Variants in TCIRG1 observed in about 807,000 individuals in gnomAD.
TCIRG1 encodes the protein T cell immune regulator 1, ATPase H+ transporting V0 subunit a3.
A neutral mutation model predicts 95.5 loss-of-function variants in TCIRG1; 86 were observed. The observed-to-expected ratio is 0.90, with a 90% CI of 0.76 to 1.08. The LOEUF (loss-of-function observed/expected upper bound fraction) is 1.08. Ranked by LOEUF, TCIRG1 falls within the 50% of genes least tolerant of loss-of-function variation. The pLI is 0.00. For missense variants in TCIRG1, 1,069 were observed against 1,140.2 expected, an observed-to-expected ratio of 0.94 and a Z score of 0.90; for synonymous variants, 499 against 501.3, an observed-to-expected ratio of 1.00 and a Z score of 0.06.
chr11:68,050,527 C>T lies in TCIRG1; in HGVS notation c.2277C>T (p.Gly759=), dbSNP rs753103656. The T allele has an allele frequency of 3.7e-6, 6 of 1,613,818 alleles. No individual in the cohort carries two copies. Among genetic ancestry groups the T allele is most frequent in the Non-Finnish European group, 5.1e-6 (6 of 1,180,006 alleles). The change falls in exon 19 of 20, where the codon GGC becomes GGT. Residue 759 remains glycine (G), a synonymous_variant. Coordinates refer to ENST00000265686, the MANE Select transcript of TCIRG1 (RefSeq NM_006019.4). ...EVLWAMVMRI[G]LGLGREVGVA... is the part of the protein sequence containing the mutation. ...TGTGGGCCATGGTGATGCGCATAGGCCTGGGCCTGGGCCGGGAGGTGGGCG... is the reference window on the plus strand; with the variant it reads ...TGTGGGCCATGGTGATGCGCATAGGTCTGGGCCTGGGCCGGGAGGTGGGCG...
rs753646482 is a variant in TCIRG1 at position 68,043,357 on chromosome 11, C to T, written c.504-14C>T. The T allele has an allele frequency of 2.6e-6, 4 of 1,538,926 alleles. No homozygotes were observed. Among genetic ancestry groups the T allele is most frequent in the South Asian group, 1.2e-5 (1 of 83,870 alleles). ...GGAGGTTGGAGCAGCCCTGCCCAGCCCCGTGGCCGCCAGCTTTGTGGCAGG... is the reference window on the plus strand; with the variant it reads ...GGAGGTTGGAGCAGCCCTGCCCAGCTCCGTGGCCGCCAGCTTTGTGGCAGG... On this transcript the variant is annotated splice_polypyrimidine_tract_variant and intron_variant, in intron 5 of 19. Transcript: ENST00000265686.
At chr11:68,047,331 G>C in intron 10 of TCIRG1, 102 bp from the exon 11 acceptor site, 1 of 1,383,504 alleles carries the variant, frequency 7.2e-7, no homozygotes, top group South Asian at 1.2e-5. Flanking sequence ...GCTAAGTGAT[G>C]GGTTCTTGAC....
intron 18 of TCIRG1, 82 bp downstream of exon 18, chr11:68,050,336 T>G (rs1466818354): frequency 6.3e-7 from 1 of 1,597,780 alleles, no homozygotes. Context: ...TGCTTCTCTC[T>G]GGGCCTCAGT....
chr11:68,040,745 C>T (rs944322397), intron 1 of TCIRG1, among the ~76,000 whole-genome samples: 1 of 152,222 alleles, frequency 6.6e-6, no homozygotes, highest in African/African-American at 2.4e-5. Flanking sequence ...CCGGGCGGCC[C>T]GGGCCTCAGG....
At chr11:68,040,880 A>C (rs1285154659) in intron 1 of TCIRG1, among the ~76,000 whole-genome samples, 4 of 152,054 alleles carry the variant, frequency 2.6e-5, no homozygotes, top group African/African-American at 9.7e-5. Context: ...CCCCCGGGGC[A>C]GCCCTGGGCC....
Position 68,047,638 on chromosome 11 carries a change from C to A in TCIRG1, c.1306-9C>A. 3.1e-6 allele frequency: 5 copies of A among 1,612,206 alleles called. No homozygotes were observed. The South Asian group carries it at 5.5e-5, about 18-fold the overall frequency. On this transcript the variant is annotated splice_polypyrimidine_tract_variant and intron_variant, in intron 11 of 19. Coordinates refer to ENST00000265686, the MANE Select transcript of TCIRG1 (RefSeq NM_006019.4). Reference sequence around the variant, plus strand: ...CAGGCAGCCCCTCACCACACCACTGCCCCCCCAGATCTGGCAGACTTTCTT... The same window carrying A: ...CAGGCAGCCCCTCACCACACCACTGACCCCCCAGATCTGGCAGACTTTCTT...
chr11:68,047,305 G>A, intron 10 of TCIRG1, 128 bp from the exon 11 acceptor site: 3 of 581,668 alleles, frequency 5.2e-6, no homozygotes, highest in Non-Finnish European at 8.3e-6. Context: ...ACAGGCATGA[G>A]CCACTGTGCC....
intron 1 of TCIRG1, among the ~76,000 whole-genome samples, chr11:68,040,426 C>T (rs1382537793): frequency 6.6e-6 from 1 of 152,230 alleles, no homozygotes; most frequent in Non-Finnish European, 1.5e-5. Flanking sequence ...GCTGGGGCTG[C>T]GTTTCCCTGT....
At chr11:68,040,976 T>G (rs781740396) in intron 1 of TCIRG1, among the ~76,000 whole-genome samples, 5 of 151,886 alleles carry the variant, frequency 3.3e-5, no homozygotes, top group Non-Finnish European at 7.4e-5. Flanking sequence ...GTGGAGCCGG[T>G]GTCACTGGGA....
chr11:68,044,944 G>T lies in TCIRG1; in HGVS notation c.1021-14G>T, dbSNP rs528153336. ...CCCGCCACCGTTCTGGTCTGTCTCT[G>T]CCCTGGCACCCAGATGGAGGAGGGA... On this transcript the variant is annotated splice_polypyrimidine_tract_variant and intron_variant, in intron 9 of 19. Transcript: ENST00000265686. 31 of 1,606,408 alleles carry T rather than the reference G, an allele frequency of 1.9e-5. No individual in the cohort carries two copies. The highest frequency in any genetic ancestry group is 2.5e-5 in the Non-Finnish European group (30 of 1,179,952).
intron 5 of TCIRG1, 44 bp from the exon 6 acceptor site, chr11:68,043,327 G>C: frequency 6.5e-7 from 1 of 1,533,368 alleles, no homozygotes; most frequent in Non-Finnish European, 8.7e-7. Flanking sequence ...GGGGGAGGCA[G>C]GGCAGGAGGT....
intron 5 of TCIRG1, 161 bp from the exon 6 acceptor site, chr11:68,043,210 C>G: frequency 6.8e-7 from 1 of 1,479,756 alleles, no homozygotes; most frequent in Non-Finnish European, 8.9e-7. Context: ...GGGTTCTCCT[C>G]TTCTGGTCCT....
intron 4 of TCIRG1, 23 bp downstream of exon 4, chr11:68,042,886 G>T: frequency 1.9e-6 from 3 of 1,550,214 alleles, no homozygotes; most frequent in Non-Finnish European, 2.6e-6. Context: ...CCAGGCAGGA[G>T]ACTGGGGGGC....
Position 68,049,673 on chromosome 11 carries a change from A to G in TCIRG1, c.1898A>G (p.Gln633Arg), listed in dbSNP as rs765175241. 33 of 1,600,754 alleles carry G rather than the reference A, an allele frequency of 2.1e-5. No homozygotes were observed. The highest frequency in any genetic ancestry group is 2.7e-5 in the Non-Finnish European group (32 of 1,179,014). ...CCCTCTCCCTGGCAGGAGGTGGTCCAGGCCACGCTGGTGGTCCTGGCCTTG... is the reference window on the plus strand; with the variant it reads ...CCCTCTCCCTGGCAGGAGGTGGTCCGGGCCACGCTGGTGGTCCTGGCCTTG... ...RLLYPRQEVVQATLVVLALAM... is the reference protein window; with the variant it reads ...RLLYPRQEVVRATLVVLALAM... Residue 633 changes from glutamine to arginine, a missense_variant, in exon 16 of 20, where the codon CAG (glutamine) becomes CGG (arginine). Physicochemically the swap from Gln to Arg is conservative, Grantham distance 43 (BLOSUM62 1). Coordinates refer to ENST00000265686, the MANE Select transcript of TCIRG1 (RefSeq NM_006019.4).
Position 68,041,797 on chromosome 11 carries a change from T to C in TCIRG1, c.162T>C (p.Asp54=). 6.2e-7 allele frequency: 1 copy of C among 1,610,474 alleles called. No individual in the cohort carries two copies. Among genetic ancestry groups the C allele is most frequent in the Non-Finnish European group, 8.5e-7 (1 of 1,178,550 alleles). ...VSAFQRRFVV[D]VRRCEELEKT... ...CCTTCCAGAGACGCTTTGTGGTTGA[T>C]GTTCGGCGCTGTGAGGAGCTGGAGA... is the stretch of plus-strand genomic sequence containing the variant. The change falls in exon 3 of 20, where the codon GAT becomes GAC. Residue 54 remains aspartate, a synonymous_variant. Transcript: ENST00000265686.
At chr11:68,050,419 C>CGGCA in intron 18 of TCIRG1, 68 bp from the exon 19 acceptor site, 1 of 1,610,590 alleles carries the variant, frequency 6.2e-7, no homozygotes, top group Non-Finnish European at 8.5e-7. Context: ...CTTCAGGCTG[C>CGGCA]GGCAGGTAGG....
At chr11:68,053,233 G>C (rs1443781787), downstream of TCIRG1, 1 of 152,494 alleles carries the variant, frequency 6.6e-6, no homozygotes, top group Admixed American at 6.5e-5. Context: ...GGGGAGCCGG[G>C]AGACAGGGAG....
At chr11:68,050,100 T>G (rs772124442) in intron 17 of TCIRG1, 34 bp downstream of exon 17, 5 of 1,611,318 alleles carry the variant, frequency 3.1e-6, no homozygotes, top group Non-Finnish European at 4.2e-6. Flanking sequence ...GTGGGACGGC[T>G]GAGGCCCTGC....
Position 68,039,128 on chromosome 11 carries a change from C to T in TCIRG1, c.-5+9C>T, listed in dbSNP as rs1426750608. On this transcript the variant is annotated intron_variant, in intron 1 of 19. Coordinates refer to ENST00000265686, the MANE Select transcript of TCIRG1 (RefSeq NM_006019.4). ...CGCGCAGCACACCCGGGGTGAGTGC[C>T]CCTGCCGGGGTCTGCGGAGCCCCAG... 4 of 152,286 alleles carry T rather than the reference C, an allele frequency of 2.6e-5. No individual in the cohort carries two copies. The highest frequency in any genetic ancestry group is 1.3e-4 in the Admixed American group (2 of 15,284). The allele number at this position is 152,286 out of a possible 1,614,324, so 9.4% of individuals were successfully genotyped here.
Sources: allele counts gnomAD v4.1 joint callset (sites outside exome capture counted in the v4.1 genomes callset), GRCh38; gene constraint gnomAD v4.1.1; transcripts MANE v1.5; gene names NCBI Gene and HGNC (gene_info 2026-07-23, HGNC 2026-07-21).